Variants in SPTBN4 observed in about 807,000 individuals in gnomAD.
SPTBN4 encodes spectrin beta chain, non-erythrocytic 4.
Under a neutral mutation model 277.8 loss-of-function variants are expected in SPTBN4, and 96 were observed. That is an observed-to-expected ratio of 0.35 (90% CI 0.29 to 0.41). The LOEUF (loss-of-function observed/expected upper bound fraction) is 0.41. SPTBN4 is among the 10% of genes least tolerant of loss of function. SPTBN4 has a pLI of 1.00. For synonymous variants in SPTBN4, 1,481 were observed against 1,580.3 expected (o/e 0.94, Z 1.49); for missense variants, 3,006 against 3,595.7 (o/e 0.84, Z 4.19).
At position 40,575,653 on chromosome 19, in the gene SPTBN4, C is replaced by G; in HGVS notation, c.*84C>G. 1 of 1,465,654 alleles carries G rather than the reference C, an allele frequency of 6.8e-7. No homozygotes were observed. The allele number at this position is 1,465,654 out of a possible 1,614,324, so 90.8% of individuals were successfully genotyped here. The stretch of plus-strand genomic sequence containing the variant: ...AAAGACACTTTTTCTTCCGCAGGGG[C>G]GGGAGCCCCTAGTTCCAACACTGAG... On this transcript the variant is annotated 3_prime_UTR_variant, in exon 36 of 36. Coordinates refer to ENST00000598249, the MANE Select transcript of SPTBN4 (RefSeq NM_020971.3).
At chr19:40,488,079 T>C (rs1271086751) in intron 3 of SPTBN4, among the ~76,000 whole-genome samples, 1 of 151,940 alleles carries the variant, frequency 6.6e-6, no homozygotes, top group African/African-American at 2.4e-5. Context: ...CCGAAGCTGA[T>C]GGCTCGCTAG....
rs368012290 is a variant in SPTBN4, at chr19:40,565,537, C to T, written c.6030C>T (p.Leu2010=). The T allele has an allele frequency of 4.8e-5, 78 of 1,613,878 alleles. No individual in the cohort carries two copies. Among genetic ancestry groups the T allele is most frequent in the Middle Eastern group, 1.6e-4 (1 of 6,084 alleles). The change falls in exon 28 of 36, where the codon CTC becomes CTT. Residue 2010 remains leucine (L), a synonymous_variant. Transcript: ENST00000598249. ...AGGAGCTGGGGCGATCTCTGCTGCTCAACAAAAGTGCCATGGCTGATGAGG... is the reference window on the plus strand; with the variant it reads ...AGGAGCTGGGGCGATCTCTGCTGCTTAACAAAAGTGCCATGGCTGATGAGG... ...TCQELGRSLL[L]NKSAMADEIQ...
intron 29 of SPTBN4, among the ~76,000 whole-genome samples, chr19:40,565,956 G>T (rs1052675142): frequency 2.0e-5 from 3 of 152,120 alleles, no homozygotes; most frequent in African/African-American, 7.2e-5. Context: ...CTGGGTGGGG[G>T]GACATTAAGG....
chr19:40,492,589 T>G (rs2080151088), intron 4 of SPTBN4, among the ~76,000 whole-genome samples: 1 of 152,130 alleles, frequency 6.6e-6, no homozygotes, highest in Non-Finnish European at 1.5e-5. Context: ...GGATCTGATT[T>G]GAGTGTTCGC....
In SPTBN4 at chr19:40,557,596, G is replaced by C. The variant is rs538784701; in HGVS notation, c.5670+193G>C. On this transcript the variant is annotated intron_variant, in intron 26 of 35. Transcript: ENST00000598249. ...CTGATGGAATGATATATAGAAATCA[G>C]GTATTGGCAGGGAAAAGTGGTACCT... Among the ~76,000 whole-genome samples the C allele has an allele frequency of 2.0e-5, 3 of 152,312 alleles. No individual in the cohort carries two copies. The South Asian group carries it at 6.2e-4, about 32-fold the overall frequency.
intron 5 of SPTBN4, 108 bp from the exon 6 acceptor site, chr19:40,494,789 T>G: frequency 1.1e-6 from 1 of 931,922 alleles, no homozygotes; most frequent in Non-Finnish European, 1.7e-6. Context: ...TTCTACCCCC[T>G]CTCTCTCATC....
At chr19:40,492,668 C>T (rs1338077159) in intron 4 of SPTBN4, among the ~76,000 whole-genome samples, 2 of 152,118 alleles carry the variant, frequency 1.3e-5, no homozygotes, top group African/African-American at 2.4e-5. Context: ...GCATGAAGGC[C>T]ACCGCACTAG....
intron 7 of SPTBN4, among the ~76,000 whole-genome samples, chr19:40,500,827 A>G (rs1041695556): frequency 6.6e-6 from 1 of 151,944 alleles, no homozygotes; most frequent in African/African-American, 2.4e-5. Context: ...AGCCTGGGCA[A>G]TAGCTTGAGA....
At chr19:40,557,733 C>T (rs1217165186) in intron 26 of SPTBN4, among the ~76,000 whole-genome samples, 3 of 152,088 alleles carry the variant, frequency 2.0e-5, no homozygotes, top group Admixed American at 6.6e-5. Flanking sequence ...GCCTGGTCAA[C>T]GTGGTGAAAC....
In SPTBN4 at chr19:40,565,585, C is replaced by T. The variant is rs554963965; in HGVS notation, c.6054+24C>T. On this transcript the variant is annotated intron_variant, in intron 28 of 35. Coordinates refer to ENST00000598249, the MANE Select transcript of SPTBN4 (RefSeq NM_020971.3). ...AGGTGGGGAGCAGGGAGGGGGTCCC[C>T]CTCTGCCACCCGGGCACATTGGGGT... The T allele has an allele frequency of 6.2e-6, 10 of 1,606,962 alleles. No individual in the cohort carries two copies. The African/African-American group carries it at 6.7e-5, about 11-fold the overall frequency.
intron 22 of SPTBN4, among the ~76,000 whole-genome samples, chr19:40,551,572 TCA>T (rs1043312630): frequency 2.6e-5 from 4 of 152,238 alleles, no homozygotes; most frequent in African/African-American, 9.6e-5. Flanking sequence ...CCTCTGGGGC[TCA>T]GTTTCCACAT....
chr19:40,558,947 T>TATTATC (rs1026792401), intron 26 of SPTBN4, among the ~76,000 whole-genome samples: 1 of 146,140 alleles, frequency 6.8e-6, no homozygotes, highest in Admixed American at 6.8e-5. Context: ...TTATTATTAT[T>TATTATC]ATGAGGCAGA....
chr19:40,478,165 G>A (rs1003668594), intron 2 of SPTBN4, among the ~76,000 whole-genome samples: 3 of 152,180 alleles, frequency 2.0e-5, no homozygotes, highest in South Asian at 4.2e-4. Context: ...AGGGCCTTGC[G>A]GGGTACCAGG....
intron 20 of SPTBN4, among the ~76,000 whole-genome samples, chr19:40,540,878 T>C (rs1204227040): frequency 6.7e-6 from 1 of 148,498 alleles, no homozygotes; most frequent in Non-Finnish European, 1.5e-5. Context: ...AATATTTATA[T>C]AGTGTTAAAA....
At chr19:40,473,203 C>T (rs1450951942) in intron 2 of SPTBN4, among the ~76,000 whole-genome samples, 1 of 152,102 alleles carries the variant, frequency 6.6e-6, no homozygotes, top group Admixed American at 6.6e-5. Flanking sequence ...CCCGCCACCA[C>T]ACCCGGCTAA....
At chr19:40,516,250 A>G (rs2080459557) in intron 15 of SPTBN4, among the ~76,000 whole-genome samples, 1 of 151,320 alleles carries the variant, frequency 6.6e-6, no homozygotes, top group East Asian at 2.0e-4. Flanking sequence ...AAAAAAAAAA[A>G]AAAAAATTCC....
chr19:40,575,375 C>G (rs780422083), intron 35 of SPTBN4, 36 bp from the exon 36 acceptor site: 2 of 1,596,210 alleles, frequency 1.3e-6, no homozygotes, highest in South Asian at 1.1e-5. Flanking sequence ...CTTCTCTCTT[C>G]CAAATACGGC....
In SPTBN4 at chr19:40,573,873, G is replaced by A. The variant is rs540024705; in HGVS notation, c.7536+1493G>A. Reference sequence around the variant, plus strand: ...TCCCAGCATTTTGGGAGGCCGAGGCGGGCAGATCACAAGGTCAGGAGATCG... The same window carrying A: ...TCCCAGCATTTTGGGAGGCCGAGGCAGGCAGATCACAAGGTCAGGAGATCG... On this transcript the variant is annotated intron_variant, in intron 35 of 35. Transcript: ENST00000598249. Among the ~76,000 whole-genome samples the A allele has an allele frequency of 2.3e-3, 352 of 152,126 alleles. 1 individual carries two copies. Among genetic ancestry groups the A allele is most frequent in the African/African-American group, 7.9e-3 (330 of 41,512 alleles).
At position 40,563,710 on chromosome 19, in the gene SPTBN4, T is replaced by A. The variant is rs1568378218; in HGVS notation, c.5916-1713T>A. On this transcript the variant is annotated intron_variant, in intron 27 of 35. Coordinates refer to ENST00000598249, the MANE Select transcript of SPTBN4 (RefSeq NM_020971.3). ...GCCTAGGTGACAGAAGGAGACTCCATCTCAAAAACAACAACAACCAAAACA... is the reference window on the plus strand; with the variant it reads ...GCCTAGGTGACAGAAGGAGACTCCAACTCAAAAACAACAACAACCAAAACA... Among the ~76,000 whole-genome samples the A allele has an allele frequency of 5.4e-5, 8 of 148,720 alleles. No individual in the cohort carries two copies. The South Asian group carries it at 1.7e-3, about 32-fold the overall frequency.
Sources: allele counts gnomAD v4.1 joint callset (sites outside exome capture counted in the v4.1 genomes callset), GRCh38; gene constraint gnomAD v4.1.1; transcripts MANE v1.5; gene names NCBI Gene and HGNC (gene_info 2026-07-23, HGNC 2026-07-21).